NGLY1: variants seen among roughly 807,000 people sequenced by gnomAD.
NGLY1 encodes peptide-N(4)-(N-acetyl-beta-glucosaminyl)asparagine amidase.
NGLY1 carries 68 observed loss-of-function variants against 84.6 expected under a neutral mutation model. That is an observed-to-expected ratio of 0.80 (90% confidence interval 0.66 to 0.98). NGLY1 has a LOEUF of 0.98. NGLY1 is among the 50% of genes least tolerant of loss of function. The pLI is 0.00. For missense variants in NGLY1, 779 were observed against 770.2 expected, an observed-to-expected ratio of 1.01 and a Z score of -0.14; for synonymous variants, 280 against 275.2, an observed-to-expected ratio of 1.02 and a Z score of -0.17.
Position 25,751,043 on chromosome 3 carries a change from T to C in NGLY1, c.658+55A>G, listed in dbSNP as rs543141605. 22 of 1,536,038 alleles carry C rather than the reference T, an allele frequency of 1.4e-5. No homozygotes were observed. The South Asian group carries it at 2.5e-4, about 17-fold the overall frequency. On this transcript the variant is annotated intron_variant, in intron 4 of 11. Coordinates refer to ENST00000280700, the MANE Select transcript of NGLY1 (RefSeq NM_018297.4). ...GGGTCAGTTGTATTTCAGTATTTTC[T>C]GTTTATTTAGCAATGATTTACATTT...
At chr3:25,787,422 C>T (rs1041136129), upstream of NGLY1, among the ~76,000 whole-genome samples, 1 of 152,188 alleles carries the variant, frequency 6.6e-6, no homozygotes, top group African/African-American at 2.4e-5. Context: ...TCCTTCCAAC[C>T]CACCCTGCTC....
intron 7 of NGLY1, chr3:25,734,698 TGAGA>T (rs1705727184): frequency 1.3e-6 from 1 of 747,778 alleles, no homozygotes; most frequent in Non-Finnish European, 1.6e-6. Context: ...GGCAAGAGGG[TGAGA>T]CTGTCTCGAA....
At chr3:25,754,036 C>T (rs755436163) in intron 3 of NGLY1, among the ~76,000 whole-genome samples, 8 of 152,090 alleles carry the variant, frequency 5.3e-5, no homozygotes. Context: ...AAATATTTGT[C>T]TGTGTGTGAA....
chr3:25,787,200 G>A (rs1382877661), upstream of NGLY1, among the ~76,000 whole-genome samples: 1 of 152,166 alleles, frequency 6.6e-6, no homozygotes, highest in African/African-American at 2.4e-5. Flanking sequence ...AGTGAGGGGG[G>A]ACAACTTGAA....
intron 2 of NGLY1, among the ~76,000 whole-genome samples, chr3:25,766,845 T>C (rs962288998): frequency 6.6e-6 from 1 of 152,208 alleles, no homozygotes; most frequent in African/African-American, 2.4e-5. Flanking sequence ...GCTCATGCCA[T>C]GCTCCCTTCC....
chr3:25,778,097 C>T (rs1391810923), intron 2 of NGLY1, among the ~76,000 whole-genome samples: 1 of 152,040 alleles, frequency 6.6e-6, no homozygotes, highest in Non-Finnish European at 1.5e-5. Context: ...AAGATAACAC[C>T]AAAATATTCA....
chr3:25,735,926 T>TATAC, intron 7 of NGLY1, 78 bp downstream of exon 7: 2 of 1,241,806 alleles, frequency 1.6e-6, no homozygotes, highest in Non-Finnish European at 2.2e-6. Context: ...GTATGTTAAT[T>TATAC]ATACATTCAT....
At chr3:25,759,355 G>GA (rs1707196442) in intron 3 of NGLY1, among the ~76,000 whole-genome samples, 1 of 148,888 alleles carries the variant, frequency 6.7e-6, no homozygotes, top group African/African-American at 2.5e-5. Context: ...ATTTTTATTT[G>GA]AAAAAATTCA....
intron 3 of NGLY1, among the ~76,000 whole-genome samples, chr3:25,756,010 T>C (rs911191677): frequency 5.7e-4 from 87 of 152,250 alleles, no homozygotes; most frequent in African/African-American, 2.1e-3. Context: ...TTTTACAGCA[T>C]GATTTCTAAT....
chr3:25,732,469 C>CA lies in NGLY1; in HGVS notation c.1274dup (p.Leu425PhefsTer19). ...GAAGTTCTTTCCTTCTGTTTTCTGACAAAAACAGTTGCCTCTGTAATTCAT... is the reference window on the plus strand; with the variant it reads ...GAAGTTCTTTCCTTCTGTTTTCTGACAAAAAACAGTTGCCTCTGTAATTCAT... On this transcript the variant is annotated frameshift_variant, in exon 9 of 12. Transcript: ENST00000280700. LOFTEE classifies it high-confidence loss of function. The CA allele has an allele frequency of 6.2e-7, 1 of 1,612,400 alleles. No homozygotes were observed. Among genetic ancestry groups the CA allele is most frequent in the Non-Finnish European group, 8.5e-7 (1 of 1,179,146 alleles).
intron 11 of NGLY1, 137 bp from the exon 12 acceptor site, chr3:25,719,772 G>T: frequency 1.4e-6 from 1 of 728,440 alleles, no homozygotes; most frequent in Non-Finnish European, 2.1e-6. Flanking sequence ...TATTCTTTAT[G>T]GAAGAAATGC....
chr3:25,733,429 C>G (rs1427790332), intron 8 of NGLY1, among the ~76,000 whole-genome samples: 3 of 151,012 alleles, frequency 2.0e-5, no homozygotes, highest in Non-Finnish European at 4.4e-5. Flanking sequence ...TTGTTAATAA[C>G]TTCCTGTGCC....
Position 25,737,358 on chromosome 3 carries a change from C to T in NGLY1, c.979G>A (p.Ala327Thr), listed in dbSNP as rs765674070. The change falls in exon 6 of 12, where the codon GCT becomes ACT. Residue 327 changes from alanine (A) to threonine (T), a missense_variant. Ala to Thr is a moderately conservative substitution (Grantham distance 58, BLOSUM62 0). Transcript: ENST00000280700. ...TLCCRAVGFE[A>T]RYVWDYTDHV... ...CCTGTGTAATCCCAAACATAGCGAG[C>T]TTCAAACCCTACAGCTCGGCAGCAC... 2 of 1,613,534 alleles carry T rather than the reference C, an allele frequency of 1.2e-6. No homozygotes were observed. Among genetic ancestry groups the T allele is most frequent in the Non-Finnish European group, 8.5e-7 (1 of 1,179,798 alleles).
intron 2 of NGLY1, among the ~76,000 whole-genome samples, chr3:25,770,723 A>G (rs1213334692): frequency 6.6e-6 from 1 of 151,970 alleles, no homozygotes; most frequent in Non-Finnish European, 1.5e-5. Flanking sequence ...AACATCTATT[A>G]TTTTTTGATT....
chr3:25,776,458 C>A (rs1024841658), intron 2 of NGLY1, among the ~76,000 whole-genome samples: 1 of 152,140 alleles, frequency 6.6e-6, no homozygotes, highest in Non-Finnish European at 1.5e-5. Context: ...ATTTTAAATT[C>A]TTTATGTTCG....
chr3:25,749,685 C>A (rs1370328918), intron 4 of NGLY1: 10 of 1,578,856 alleles, frequency 6.3e-6, no homozygotes, highest in Non-Finnish European at 8.6e-6. Flanking sequence ...AACAAAAAAA[C>A]AAAGCACATG....
At chr3:25,780,699 T>C (rs1708374414) in intron 1 of NGLY1, among the ~76,000 whole-genome samples, 1 of 152,124 alleles carries the variant, frequency 6.6e-6, no homozygotes, top group Non-Finnish European at 1.5e-5. Context: ...CAAAGCTCAT[T>C]GCTGCTTAGA....
chr3:25,785,006 C>G (rs1708569950), upstream of NGLY1, among the ~76,000 whole-genome samples: 1 of 152,086 alleles, frequency 6.6e-6, no homozygotes, highest in Non-Finnish European at 1.5e-5. Flanking sequence ...GCTTTGTGAG[C>G]CATAAGGTCT....
At chr3:25,756,285 T>C (rs1025750931) in intron 3 of NGLY1, among the ~76,000 whole-genome samples, 6 of 152,240 alleles carry the variant, frequency 3.9e-5, no homozygotes, top group Non-Finnish European at 5.9e-5. Context: ...TAAAAGGCCA[T>C]ACCTGGAATT....
Sources: gnomAD v4.1 joint callset for allele counts (sites outside exome capture counted in the v4.1 genomes callset) on GRCh38, gnomAD v4.1.1 for gene constraint, MANE v1.5 for transcripts, NCBI Gene and HGNC (gene_info 2026-07-23, HGNC 2026-07-21) for gene names.